The following UNC13B variants were observed in gnomAD, a reference collection of about 807,000 sequenced individuals.
UNC13B encodes the protein unc-13 homolog B.
Under a neutral mutation model 211.0 loss-of-function variants are expected in UNC13B, and 144 were observed. The observed-to-expected ratio is 0.68, with a 90% CI of 0.60 to 0.78. The LOEUF (loss-of-function observed/expected upper bound fraction) is 0.78. UNC13B is among the 30% of genes least tolerant of loss of function. The probability of loss-of-function intolerance (pLI) is 0.00; values close to 1 mark genes in which losing one functional copy is unlikely to be tolerated. For missense variants in UNC13B, 1,777 were observed against 2,002.0 expected, an observed-to-expected ratio of 0.89 and a Z score of 2.14; for synonymous variants, 709 against 725.8, an observed-to-expected ratio of 0.98 and a Z score of 0.37.
At chr9:35,245,670 G>A (rs558738884) in intron 6 of UNC13B, among the ~76,000 whole-genome samples, 149 of 152,064 alleles carry the variant, frequency 9.8e-4, no homozygotes, top group Admixed American at 2.2e-3. Context: ...TCCCTACAAA[G>A]GACATGAACT....
intron 11 of UNC13B, 79 bp downstream of exon 11, chr9:35,314,068 A>G: frequency 8.8e-7 from 1 of 1,130,212 alleles, no homozygotes; most frequent in Non-Finnish European, 1.3e-6. Context: ...AGAAGCAATC[A>G]GTGATTAGTC....
intron 8 of UNC13B, among the ~76,000 whole-genome samples, chr9:35,296,613 A>C (rs1262060780): frequency 6.6e-6 from 1 of 152,216 alleles, no homozygotes; most frequent in African/African-American, 2.4e-5. Context: ...GATTAAAAAA[A>C]ATTTCAGACT....
intron 1 of UNC13B, among the ~76,000 whole-genome samples, chr9:35,202,303 A>G (rs74908540): frequency 6.6e-6 from 1 of 152,192 alleles, no homozygotes; most frequent in East Asian, 1.9e-4. Context: ...GCTGAAAATA[A>G]TGTATGTTCT....
In UNC13B at chr9:35,310,610, T is replaced by A; in HGVS notation, c.9152T>A (p.Leu3051Gln). Residue 3051 changes from leucine (L) to glutamine (Q), a missense_variant, in exon 10 of 40, where the codon CTG (leucine) becomes CAG (glutamine). Coordinates refer to ENST00000635942, the MANE Select transcript of UNC13B (RefSeq NM_001371189.2). ...SIHSCHSSHS[L>Q]SRDGQAGFGE... ...CATTCTTGCCACAGCTCTCACAGCC[T>A]GTCCAGAGATGGCCAAGCAGGTTTT... The A allele has an allele frequency of 6.2e-7, 1 of 1,613,984 alleles. No individual in the cohort carries two copies. The highest frequency in any genetic ancestry group is 8.5e-7 in the Non-Finnish European group (1 of 1,179,986).
chr9:35,239,217 A>G (rs1209812774), intron 5 of UNC13B, among the ~76,000 whole-genome samples: 1 of 152,108 alleles, frequency 6.6e-6, no homozygotes, highest in Non-Finnish European at 1.5e-5. Context: ...CCGATATTTC[A>G]CGTGGGTCCT....
chr9:35,354,213 T>C (rs1232131484), intron 11 of UNC13B, among the ~76,000 whole-genome samples: 1 of 152,148 alleles, frequency 6.6e-6, no homozygotes, highest in African/African-American at 2.4e-5. Context: ...ACATATTTGC[T>C]CACAGGCACT....
intron 15 of UNC13B, 59 bp from the exon 16 acceptor site, chr9:35,377,408 CA>C (rs1410338472): frequency 3.5e-5 from 54 of 1,558,184 alleles, no homozygotes; most frequent in Non-Finnish European, 4.4e-5. Flanking sequence ...TCCCAGGCCC[CA>C]TTCCTCAGCT....
chr9:35,183,022 G>A (rs1822032872), intron 1 of UNC13B, among the ~76,000 whole-genome samples: 1 of 152,012 alleles, frequency 6.6e-6, no homozygotes, highest in Non-Finnish European at 1.5e-5. Flanking sequence ...AGATGGGGCG[G>A]CCTGGCAGAG....
At chr9:35,265,102 G>T (rs983355145) in intron 7 of UNC13B, among the ~76,000 whole-genome samples, 1 of 152,196 alleles carries the variant, frequency 6.6e-6, no homozygotes, top group Non-Finnish European at 1.5e-5. Context: ...GGGATGGAAT[G>T]AATGTATCTT....
rs867579079 is a variant in UNC13B, at chr9:35,363,407, G to A, written c.9415-3540G>A. Among the ~76,000 whole-genome samples, 4 of 152,150 alleles carry A rather than the reference G, an allele frequency of 2.6e-5. No homozygotes were observed. In the South Asian group the frequency reaches 6.2e-4, roughly 24 times the overall value. On this transcript the variant is annotated intron_variant, in intron 11 of 39. Transcript: ENST00000635942. Reference sequence around the variant, plus strand: ...TCAAAAGGAACACATTATCCTGGGGGGGTTGAGATGTAGATATGGAAGAGA... The same window carrying A: ...TCAAAAGGAACACATTATCCTGGGGAGGTTGAGATGTAGATATGGAAGAGA...
chr9:35,202,209 G>C (rs1053317719), intron 1 of UNC13B, among the ~76,000 whole-genome samples: 1 of 152,158 alleles, frequency 6.6e-6, no homozygotes, highest in African/African-American at 2.4e-5. Flanking sequence ...GAGACAGTTT[G>C]TTATAATTTC....
At chr9:35,396,356 A>G (rs1190674559) in intron 26 of UNC13B, 120 bp from the exon 27 acceptor site, 2 of 1,275,646 alleles carry the variant, frequency 1.6e-6, no homozygotes, top group Non-Finnish European at 2.2e-6. Context: ...GGAGGTTGGG[A>G]GTCACCCTTG....
chr9:35,260,053 A>AAAAC (rs1827178890), intron 7 of UNC13B, among the ~76,000 whole-genome samples: 1 of 149,120 alleles, frequency 6.7e-6, no homozygotes, highest in Non-Finnish European at 1.5e-5. Context: ...AAAAAAAAAA[A>AAAAC]AAAAAAAAAA....
chr9:35,263,592 C>G (rs188872991), intron 7 of UNC13B, among the ~76,000 whole-genome samples: 4 of 152,128 alleles, frequency 2.6e-5, no homozygotes, highest in Admixed American at 2.0e-4. Context: ...AACTTAAAAC[C>G]CTCAGTGTGT....
Position 35,308,124 on chromosome 9 carries a change from A to G in UNC13B, c.8720A>G (p.Gln2907Arg), listed in dbSNP as rs868205077. ...VYTQPSGTSE[Q>R]LVASPEVCAQ... ...ACTCAGCCCTCTGGGACCTCTGAGC[A>G]GCTGGTGGCCAGTCCAGAGGTCTGT... The change falls in exon 9 of 40, where the codon CAG (glutamine) becomes CGG (arginine). Residue 2907 changes from glutamine to arginine, a missense_variant. Transcript: ENST00000635942. 37 of 398,992 alleles carry G rather than the reference A, an allele frequency of 9.3e-5. No individual in the cohort carries two copies. The highest frequency in any genetic ancestry group is 3.5e-5 in the Non-Finnish European group (8 of 226,130). 24.7% of individuals were successfully genotyped at this position (398,992 alleles called of 1,614,324 possible). A position where few individuals can be genotyped will look rare whatever the true frequency, so the allele number is the denominator to read the frequency against.
At chr9:35,262,736 A>G (rs927690938) in intron 7 of UNC13B, among the ~76,000 whole-genome samples, 19 of 152,118 alleles carry the variant, frequency 1.2e-4, no homozygotes, top group Non-Finnish European at 2.8e-4. Flanking sequence ...TTCTAGACCA[A>G]TCCGGGCAAC....
Position 35,352,605 on chromosome 9 carries a change from A to G in UNC13B, c.9415-14342A>G, listed in dbSNP as rs1832784931. On this transcript the variant is annotated intron_variant, in intron 11 of 39. Transcript: ENST00000635942. ...ACAGGAACATATCAGATGAAGGCTC[A>G]GGATCAACAGAGAGAGCACCAGGCC... The G allele has an allele frequency of 1.1e-5, 14 of 1,232,180 alleles. No homozygotes were observed. In the East Asian group the frequency reaches 4.4e-4, roughly 39 times the overall value. 76.3% of individuals were successfully genotyped at this position (1,232,180 alleles called of 1,614,324 possible).
At position 35,386,220 on chromosome 9, in the gene UNC13B, A is replaced by G; in HGVS notation, c.11021A>G (p.Lys3674Arg). Residue 3674 changes from lysine to arginine, a missense_variant, in exon 24 of 40, where the codon AAG becomes AGG. Physicochemically the swap from Lys to Arg is conservative, Grantham distance 26. Coordinates refer to ENST00000635942, the MANE Select transcript of UNC13B (RefSeq NM_001371189.2). ...RASQVVKDCV[K>R]ACLNSTYEYI... ...AGCCAGGTGGTAAAGGATTGTGTGA[A>G]GGCCTGTTTGAACTCCACATATGAA... 1 of 1,614,216 alleles carries G rather than the reference A, an allele frequency of 6.2e-7. No individual in the cohort carries two copies. The highest frequency in any genetic ancestry group is 8.5e-7 in the Non-Finnish European group (1 of 1,180,022).
intron 1 of UNC13B, among the ~76,000 whole-genome samples, chr9:35,215,815 A>G (rs1186866652): frequency 6.6e-6 from 1 of 152,214 alleles, no homozygotes; most frequent in Admixed American, 6.5e-5. Flanking sequence ...TTTGCCTGTT[A>G]GTATCTTCTG....
Sources: allele counts gnomAD v4.1 joint callset (sites outside exome capture counted in the v4.1 genomes callset), GRCh38; gene constraint gnomAD v4.1.1; transcripts MANE v1.5; gene names NCBI Gene and HGNC (gene_info 2026-07-23, HGNC 2026-07-21).